Variants in ST6GALNAC3 observed in about 807,000 individuals in gnomAD.
ST6GALNAC3 encodes ST6 N-acetylgalactosaminide alpha-2,6-sialyltransferase 3.
Under a neutral mutation model 32.7 loss-of-function variants are expected in ST6GALNAC3, and 25 were observed. That is an observed-to-expected ratio of 0.76 (90% CI 0.56 to 1.07). ST6GALNAC3 has a LOEUF of 1.07. Among genes scored for constraint, ST6GALNAC3 ranks in the 50% least tolerant of loss-of-function variants. The pLI is 0.00. For missense variants in ST6GALNAC3, 355 were observed against 382.4 expected, an observed-to-expected ratio of 0.93 and a Z score of 0.60; for synonymous variants, 129 against 133.1, an observed-to-expected ratio of 0.97 and a Z score of 0.21.
chr1:76,577,353 C>T (rs1412171243), intron 3 of ST6GALNAC3: 1 of 984,064 alleles, frequency 1.0e-6, no homozygotes, highest in Non-Finnish European at 1.2e-6. Flanking sequence ...TAACCTTTAC[C>T]AAGAGCTATA....
At chr1:76,528,275 A>G (rs573453803) in intron 3 of ST6GALNAC3, among the ~76,000 whole-genome samples, 1 of 152,258 alleles carries the variant, frequency 6.6e-6, no homozygotes, top group African/African-American at 2.4e-5. Context: ...TCCTGTAACA[A>G]TTCTATGAGG....
chr1:76,621,675 G>A (rs1205024105), intron 3 of ST6GALNAC3, among the ~76,000 whole-genome samples: 1 of 151,896 alleles, frequency 6.6e-6, no homozygotes, highest in Non-Finnish European at 1.5e-5. Context: ...GAATCCCAAG[G>A]TGCTACTGAT....
chr1:76,407,381 G>A (rs1306186560), intron 2 of ST6GALNAC3, among the ~76,000 whole-genome samples: 1 of 152,084 alleles, frequency 6.6e-6, no homozygotes, highest in Non-Finnish European at 1.5e-5. Context: ...TTTGAAACCA[G>A]ATGTGCTGGT....
chr1:76,373,296 C>A (rs777574405), intron 2 of ST6GALNAC3, among the ~76,000 whole-genome samples: 35 of 152,218 alleles, frequency 2.3e-4, no homozygotes, highest in Middle Eastern at 3.4e-3. Context: ...CCTTGCTGGG[C>A]CTGTTTTCTC....
intron 1 of ST6GALNAC3, among the ~76,000 whole-genome samples, chr1:76,079,859 G>C (rs2100717843): frequency 6.6e-6 from 1 of 152,242 alleles, no homozygotes; most frequent in South Asian, 2.1e-4. Flanking sequence ...TCACATCTGT[G>C]GTCAGGCCAT....
intron 3 of ST6GALNAC3, among the ~76,000 whole-genome samples, chr1:76,578,479 C>T (rs1041710578): frequency 2.6e-5 from 4 of 151,902 alleles, no homozygotes; most frequent in African/African-American, 9.7e-5. Context: ...ATTCTTTGAC[C>T]TTTGATATGA....
chr1:76,419,673 C>G (rs1352483446), intron 3 of ST6GALNAC3, among the ~76,000 whole-genome samples: 4 of 152,034 alleles, frequency 2.6e-5, no homozygotes, highest in Non-Finnish European at 5.9e-5. Flanking sequence ...ATGCTTGACT[C>G]TTTTTAAGAC....
chr1:76,103,570 C>T (rs1374197280), intron 1 of ST6GALNAC3, among the ~76,000 whole-genome samples: 2 of 152,142 alleles, frequency 1.3e-5, no homozygotes, highest in African/African-American at 4.8e-5. Context: ...CATAGGATGG[C>T]GTAGCAAATT....
intron 3 of ST6GALNAC3, among the ~76,000 whole-genome samples, chr1:76,491,188 C>A (rs901141994): frequency 6.6e-6 from 1 of 152,024 alleles, no homozygotes; most frequent in Non-Finnish European, 1.5e-5. Flanking sequence ...CTCCTCACTG[C>A]CCTAGCTAGC....
At chr1:76,095,321 G>C (rs1447303465) in intron 1 of ST6GALNAC3, among the ~76,000 whole-genome samples, 1 of 152,048 alleles carries the variant, frequency 6.6e-6, no homozygotes, top group African/African-American at 2.4e-5. Context: ...TCTAGTGTAA[G>C]CAATTTTATT....
At chr1:76,394,944 T>C (rs1325248869) in intron 2 of ST6GALNAC3, among the ~76,000 whole-genome samples, 1 of 152,158 alleles carries the variant, frequency 6.6e-6, no homozygotes, top group Non-Finnish European at 1.5e-5. Flanking sequence ...AGTAAACCTG[T>C]TTTGTGAAAT....
intron 1 of ST6GALNAC3, among the ~76,000 whole-genome samples, chr1:76,076,501 A>G (rs929857564): frequency 1.7e-4 from 26 of 152,216 alleles, no homozygotes; most frequent in Admixed American, 1.0e-3. Context: ...ATGTTGGACA[A>G]GTTACTTAAA....
At chr1:76,426,182 C>T (rs965511834) in intron 3 of ST6GALNAC3, among the ~76,000 whole-genome samples, 7 of 151,738 alleles carry the variant, frequency 4.6e-5, no homozygotes, top group African/African-American at 1.5e-4. Context: ...CTCTATTTTC[C>T]TTTATGTTAC....
intron 1 of ST6GALNAC3, among the ~76,000 whole-genome samples, chr1:76,229,290 C>T (rs114821027): frequency 0.01 from 1,568 of 152,258 alleles, 24 homozygotes; most frequent in African/African-American, 0.035. Context: ...CAATAACTGG[C>T]AGCTTCCCTA....
At position 76,629,894 on chromosome 1, in the gene ST6GALNAC3, A is replaced by G. The variant is rs1649201850; in HGVS notation, c.*1088A>G. On this transcript the variant is annotated 3_prime_UTR_variant, in exon 5 of 5. Transcript: ENST00000328299. ...GCCAGCTGTTACACATGGAGAGGAAATGATTCCTTATATTAAACCTGACCA... is the reference window on the plus strand; with the variant it reads ...GCCAGCTGTTACACATGGAGAGGAAGTGATTCCTTATATTAAACCTGACCA... 8.1e-6 allele frequency: 8 copies of G among 985,038 alleles called. No homozygotes were observed. In the South Asian group the frequency reaches 3.3e-4, roughly 40 times the overall value. 61.0% of individuals were successfully genotyped at this position (985,038 alleles called of 1,614,324 possible). A position where few individuals can be genotyped will look rare whatever the true frequency, so the allele number is the denominator to read the frequency against.
At chr1:76,580,353 C>T (rs1038378547) in intron 3 of ST6GALNAC3, among the ~76,000 whole-genome samples, 7 of 152,020 alleles carry the variant, frequency 4.6e-5, no homozygotes, top group African/African-American at 1.7e-4. Flanking sequence ...TTGCTGCTAC[C>T]CTCTCCCTTT....
intron 3 of ST6GALNAC3, among the ~76,000 whole-genome samples, chr1:76,485,591 T>C (rs1400610332): frequency 1.3e-5 from 2 of 152,164 alleles, no homozygotes; most frequent in East Asian, 1.9e-4. Flanking sequence ...TTTTTTATTG[T>C]GTCTATTTGA....
chr1:76,513,743 T>C (rs188789), intron 3 of ST6GALNAC3, among the ~76,000 whole-genome samples: 95,140 of 151,980 alleles, frequency 0.63, 29,866 homozygotes, highest in East Asian at 0.68. Context: ...TGGATAACTT[T>C]GGGTAGTATG....
At chr1:76,208,214 C>T (rs1317022055) in intron 1 of ST6GALNAC3, among the ~76,000 whole-genome samples, 1 of 152,234 alleles carries the variant, frequency 6.6e-6, no homozygotes, top group Non-Finnish European at 1.5e-5. Context: ...GTGGGAGCAC[C>T]CCTAGACCCC....
Sources: allele counts gnomAD v4.1 joint callset (sites outside exome capture counted in the v4.1 genomes callset), GRCh38; gene constraint gnomAD v4.1.1; transcripts MANE v1.5; gene names NCBI Gene and HGNC (gene_info 2026-07-23, HGNC 2026-07-21).